The following ROBO1 variants were observed in gnomAD, a reference collection of about 807,000 sequenced individuals.
The protein encoded by ROBO1 is roundabout homolog 1.
ROBO1 carries 149 observed loss-of-function variants against 195.9 expected under a neutral mutation model. The observed-to-expected ratio is 0.76, with a 90% CI of 0.67 to 0.87. The LOEUF (loss-of-function observed/expected upper bound fraction) is 0.87, where lower values mean the gene tolerates loss of function less well. Ranked by LOEUF, ROBO1 falls within the 40% of genes least tolerant of loss-of-function variation. The pLI is 0.00. For missense variants in ROBO1, 1,933 were observed against 2,068.3 expected (o/e 0.93, Z 1.27); for synonymous variants, 816 against 733.2 (o/e 1.11, Z -1.82).
At chr3:78,885,937 A>C (rs2036539494) in intron 4 of ROBO1, among the ~76,000 whole-genome samples, 2 of 145,772 alleles carry the variant, frequency 1.4e-5, no homozygotes, top group African/African-American at 5.0e-5. Flanking sequence ...ATATATATAT[A>C]TATACATACA....
intron 14 of ROBO1, among the ~76,000 whole-genome samples, chr3:78,664,127 A>G (rs1707598902): frequency 6.6e-6 from 1 of 152,144 alleles, no homozygotes; most frequent in Non-Finnish European, 1.5e-5. Flanking sequence ...CTGATAATAT[A>G]ATTTTGAGAA....
At chr3:79,392,717 C>T (rs1325556309) in intron 2 of ROBO1, among the ~76,000 whole-genome samples, 1 of 152,044 alleles carries the variant, frequency 6.6e-6, no homozygotes, top group Non-Finnish European at 1.5e-5. Flanking sequence ...TCCTCTGGGG[C>T]AATAAAAGAA....
intron 2 of ROBO1, among the ~76,000 whole-genome samples, chr3:79,461,932 G>T (rs1043065548): frequency 2.0e-5 from 3 of 151,870 alleles, no homozygotes; most frequent in Non-Finnish European, 1.5e-5. Context: ...TCCAAACTAA[G>T]CAAAAAATGT....
intron 4 of ROBO1, among the ~76,000 whole-genome samples, chr3:78,805,573 A>C (rs1346904259): frequency 6.6e-6 from 1 of 152,034 alleles, no homozygotes; most frequent in African/African-American, 2.4e-5. Flanking sequence ...TTGAAAATAA[A>C]ATAATTTGAA....
At chr3:79,556,507 T>C (rs1029972604) in intron 2 of ROBO1, among the ~76,000 whole-genome samples, 2 of 152,118 alleles carry the variant, frequency 1.3e-5, no homozygotes, top group Admixed American at 6.6e-5. Flanking sequence ...CTGCATAAAA[T>C]TGTATGTAAC....
chr3:79,233,959 CAT>C (rs1177786235), intron 2 of ROBO1, among the ~76,000 whole-genome samples: 2 of 151,336 alleles, frequency 1.3e-5, no homozygotes, highest in Admixed American at 6.6e-5. Context: ...ATTTTTTTTT[CAT>C]ATGTTTGGTG....
At chr3:79,615,290 A>T (rs1238610164) in intron 1 of ROBO1, among the ~76,000 whole-genome samples, 1 of 152,146 alleles carries the variant, frequency 6.6e-6, no homozygotes. Flanking sequence ...AACTCAACTA[A>T]TTACCAATCA....
intron 4 of ROBO1, among the ~76,000 whole-genome samples, chr3:78,794,283 T>C (rs528420881): frequency 2.0e-5 from 3 of 152,186 alleles, no homozygotes; most frequent in Admixed American, 6.5e-5. Context: ...GCTTACTTCA[T>C]TGGATTACTA....
At chr3:79,600,640 C>T (rs553874937) in intron 1 of ROBO1, among the ~76,000 whole-genome samples, 10 of 110,478 alleles carry the variant, frequency 9.1e-5, no homozygotes, top group Admixed American at 5.4e-4. Flanking sequence ...TGAAAAAGAA[C>T]GCCTGCTGAT....
intron 1 of ROBO1, among the ~76,000 whole-genome samples, chr3:79,630,827 C>T (rs1207194411): frequency 2.6e-5 from 4 of 151,876 alleles, no homozygotes; most frequent in Non-Finnish European, 5.9e-5. Flanking sequence ...CATTTCTATA[C>T]ACCAATAACA....
In ROBO1 at chr3:78,941,020, A is replaced by T. The variant is rs550274732; in HGVS notation, c.173-2093T>A. ...CTAATACGTATACATTCAACCTTTAATAGACTGTAAGCCCTACATGAGGCT... is the reference window on the plus strand; with the variant it reads ...CTAATACGTATACATTCAACCTTTATTAGACTGTAAGCCCTACATGAGGCT... On this transcript the variant is annotated intron_variant, in intron 3 of 30. Coordinates refer to ENST00000464233, the MANE Select transcript of ROBO1 (RefSeq NM_002941.4). 2.0e-5 allele frequency among the ~76,000 whole-genome samples: 3 copies of T among 152,354 alleles called. No homozygotes were observed. The South Asian group carries it at 6.2e-4, about 32-fold the overall frequency.
chr3:79,411,970 A>G (rs2037787341), intron 2 of ROBO1, among the ~76,000 whole-genome samples: 1 of 152,056 alleles, frequency 6.6e-6, no homozygotes, highest in African/African-American at 2.4e-5. Flanking sequence ...TGTCCGAGAC[A>G]CCCACAGGAG....
At chr3:79,028,856 T>C (rs1186586688) in intron 3 of ROBO1, among the ~76,000 whole-genome samples, 1 of 152,084 alleles carries the variant, frequency 6.6e-6, no homozygotes, top group Non-Finnish European at 1.5e-5. Flanking sequence ...TGTTTGTTTT[T>C]CACAAATATG....
chr3:79,531,367 A>G (rs375894948), intron 2 of ROBO1, among the ~76,000 whole-genome samples: 1 of 152,126 alleles, frequency 6.6e-6, no homozygotes, highest in African/African-American at 2.4e-5. Context: ...CAGGCCTGTA[A>G]TCCCCAGCAC....
At chr3:79,275,748 A>C (rs534522787) in intron 2 of ROBO1, among the ~76,000 whole-genome samples, 51 of 152,008 alleles carry the variant, frequency 3.4e-4, no homozygotes, top group Non-Finnish European at 6.2e-4. Context: ...ACTTCACCAA[A>C]AAACTATTGG....
chr3:79,020,349 T>G (rs764969492), intron 3 of ROBO1, among the ~76,000 whole-genome samples: 1 of 152,248 alleles, frequency 6.6e-6, no homozygotes, highest in Non-Finnish European at 1.5e-5. Context: ...CTGACACGTC[T>G]GAAAGGCATT....
intron 2 of ROBO1, among the ~76,000 whole-genome samples, chr3:79,399,501 C>A (rs542907920): frequency 3.3e-5 from 5 of 152,258 alleles, no homozygotes; most frequent in Admixed American, 3.3e-4. Context: ...TCACTACTCC[C>A]TCATTTCTTA....
At chr3:78,949,581 C>T (rs901551342) in intron 3 of ROBO1, among the ~76,000 whole-genome samples, 38 of 152,034 alleles carry the variant, frequency 2.5e-4, no homozygotes, top group Non-Finnish European at 1.5e-4. Flanking sequence ...TAGGCAATAC[C>T]ATTCAGGACA....
chr3:79,445,482 T>G lies in ROBO1; in HGVS notation c.88+144342A>C, dbSNP rs1412014966. Among the ~76,000 whole-genome samples, 19 of 24,790 alleles carry G rather than the reference T, an allele frequency of 7.7e-4. No homozygotes were observed. The South Asian group carries it at 9.0e-3, about 12-fold the overall frequency. 16.3% of individuals were successfully genotyped at this position (24,790 alleles called of 152,430 possible). On this transcript the variant is annotated intron_variant, in intron 2 of 30. Coordinates refer to ENST00000464233, the MANE Select transcript of ROBO1 (RefSeq NM_002941.4). ...TTTTTGGTAAACAATACAGAAATTG[T>G]TTTTTTTTTTTTTTTTTTTGGCGTT...
Sources: allele counts gnomAD v4.1 joint callset (sites outside exome capture counted in the v4.1 genomes callset), GRCh38; gene constraint gnomAD v4.1.1; transcripts MANE v1.5; gene names NCBI Gene and HGNC (gene_info 2026-07-23, HGNC 2026-07-21).